Variants in FYB1 observed in about 807,000 individuals in gnomAD.
The protein encoded by FYB1 is FYN binding protein 1.
In FYB1, 41 loss-of-function variants were observed where a neutral mutation model predicts 94.1. The ratio of observed to expected loss-of-function variants is 0.44; its 90% CI spans 0.34 to 0.57. The LOEUF is 0.57. FYB1 is among the 20% of genes least tolerant of loss of function. The pLI, the probability that FYB1 is intolerant of heterozygous loss-of-function variation, is 0.02. For synonymous variants in FYB1, 367 were observed against 353.2 expected, an observed-to-expected ratio of 1.04 and a Z score of -0.44; for missense variants, 1,050 against 976.8, an observed-to-expected ratio of 1.07 and a Z score of -1.00.
intron 1 of FYB1, among the ~76,000 whole-genome samples, chr5:39,246,820 C>A (rs1170866681): frequency 6.6e-6 from 1 of 151,882 alleles, no homozygotes; most frequent in African/African-American, 2.4e-5. Context: ...TGGTGAGGAG[C>A]AGAATGGAAA....
chr5:39,225,425 A>G (rs1750429751), intron 1 of FYB1, among the ~76,000 whole-genome samples: 1 of 152,218 alleles, frequency 6.6e-6, no homozygotes, highest in South Asian at 2.1e-4. Context: ...GATACTGCCA[A>G]CTAACCTCTA....
intron 11 of FYB1, 24 bp from the exon 12 acceptor site, chr5:39,126,159 C>A (rs1180558499): frequency 1.2e-5 from 19 of 1,610,082 alleles, no homozygotes; most frequent in Non-Finnish European, 1.4e-5. Context: ...AGGCATTGAT[C>A]AGAATGTAAT....
intron 2 of FYB1, among the ~76,000 whole-genome samples, chr5:39,168,324 A>T (rs1490615405): frequency 2.0e-5 from 3 of 152,212 alleles, no homozygotes; most frequent in Non-Finnish European, 4.4e-5. Flanking sequence ...TCTGTAGTTC[A>T]TCATGACAAT....
At chr5:39,257,218 A>G (rs183681885) in intron 1 of FYB1, among the ~76,000 whole-genome samples, 1 of 152,350 alleles carries the variant, frequency 6.6e-6, no homozygotes, top group African/African-American at 2.4e-5. Context: ...TAAAAGGCAT[A>G]TAGTAAAACT....
At chr5:39,133,554 GAGA>G (rs1052587358) in intron 9 of FYB1, among the ~76,000 whole-genome samples, 2 of 152,218 alleles carry the variant, frequency 1.3e-5, no homozygotes, top group Admixed American at 6.5e-5. Context: ...AAGGAAAGAA[GAGA>G]AGGAGAGGTA....
At chr5:39,163,577 G>A (rs1191427081) in intron 2 of FYB1, among the ~76,000 whole-genome samples, 1 of 152,080 alleles carries the variant, frequency 6.6e-6, no homozygotes, top group Non-Finnish European at 1.5e-5. Context: ...CAATAACTTT[G>A]TTGGTTATTC....
At chr5:39,132,263 CTCT>C (rs1335211559) in intron 9 of FYB1, among the ~76,000 whole-genome samples, 1 of 152,186 alleles carries the variant, frequency 6.6e-6, no homozygotes, top group African/African-American at 2.4e-5. Context: ...ATGATGCCTT[CTCT>C]TCTTATTCTT....
chr5:39,163,133 T>A (rs1379295400), intron 2 of FYB1, among the ~76,000 whole-genome samples: 1 of 152,212 alleles, frequency 6.6e-6, no homozygotes, highest in Non-Finnish European at 1.5e-5. Context: ...GGTCACAGAC[T>A]TAGAAAATCT....
rs149266839 is a variant in FYB1, at chr5:39,175,442, A to G, written c.1136-21838T>C. Reference sequence around the variant, plus strand: ...ATGGGCTGGAGTATGCCGGTGTCCAATGGTTGTAACTAGCTGGGGGCTTCT... The same window carrying G: ...ATGGGCTGGAGTATGCCGGTGTCCAGTGGTTGTAACTAGCTGGGGGCTTCT... On this transcript the variant is annotated intron_variant, in intron 2 of 18. Transcript: ENST00000512982. 1.6e-3 allele frequency among the ~76,000 whole-genome samples: 251 copies of G among 152,302 alleles called. 1 individual carries two copies. Among genetic ancestry groups the G allele is most frequent in the African/African-American group, 5.3e-3 (219 of 41,566 alleles).
intron 1 of FYB1, among the ~76,000 whole-genome samples, chr5:39,254,244 G>C (rs1398488740): frequency 1.3e-5 from 2 of 152,142 alleles, no homozygotes; most frequent in Non-Finnish European, 2.9e-5. Flanking sequence ...TGGTATTTCT[G>C]TCTTTAGGTC....
chr5:39,270,499 A>T lies in FYB1; in HGVS notation c.-28+3904T>A, dbSNP rs73078476. ...TGACTGTGAAGCACCCTCAACTCTG[A>T]CTGTTCTATGCAGAGAAGAGTAGCA... is the stretch of plus-strand genomic sequence containing the variant. On this transcript the variant is annotated intron_variant, in intron 1 of 1. Coordinates refer to the FYB1 transcript ENST00000510188. 1,146 of 1,428,226 alleles carry T rather than the reference A, an allele frequency of 8.0e-4. 7 individuals carry two copies. In the African/African-American group the frequency reaches 0.015, roughly 18 times the overall value. 88.5% of individuals were successfully genotyped at this position (1,428,226 alleles called of 1,614,324 possible).
chr5:39,274,269 G>C (rs916951211), intron 1 of FYB1: 1 of 152,084 alleles, frequency 6.6e-6, no homozygotes, highest in Non-Finnish European at 1.5e-5. Context: ...TATAAACTCC[G>C]ATACATTTTC....
chr5:39,247,175 T>G (rs2150601810), intron 1 of FYB1, among the ~76,000 whole-genome samples: 1 of 144,330 alleles, frequency 6.9e-6, no homozygotes, highest in South Asian at 2.2e-4. Flanking sequence ...CTGAGCAAAA[T>G]AAGCCTTAAA....
intron 1 of FYB1, among the ~76,000 whole-genome samples, chr5:39,246,263 T>A (rs1317498528): frequency 6.6e-6 from 1 of 152,162 alleles, no homozygotes; most frequent in African/African-American, 2.4e-5. Flanking sequence ...TATGACTTCA[T>A]CCATCTGTCC....
chr5:39,263,376 T>C (rs966292631), intron 1 of FYB1, among the ~76,000 whole-genome samples: 1 of 142,880 alleles, frequency 7.0e-6, no homozygotes, highest in African/African-American at 2.7e-5. Flanking sequence ...TAGTACAGGA[T>C]TTTTTTTTTT....
chr5:39,271,851 T>G (rs534683899), intron 1 of FYB1, among the ~76,000 whole-genome samples: 6 of 152,160 alleles, frequency 3.9e-5, no homozygotes, highest in Admixed American at 2.6e-4. Flanking sequence ...ACATAATACA[T>G]GCTTAATGAA....
intron 1 of FYB1, among the ~76,000 whole-genome samples, chr5:39,241,538 A>G (rs999968689): frequency 6.6e-6 from 1 of 152,142 alleles, no homozygotes; most frequent in Non-Finnish European, 1.5e-5. Context: ...ACCTAGAGTG[A>G]TAAATAGGTG....
At chr5:39,119,457 T>C (rs1167820380) in intron 15 of FYB1, 78 bp downstream of exon 15, 11 of 1,042,176 alleles carry the variant, frequency 1.1e-5, no homozygotes, top group Middle Eastern at 3.4e-4. Flanking sequence ...TTTTCAATAG[T>C]GTTTTTTTTG....
chr5:39,122,226 A>G, intron 14 of FYB1, 110 bp downstream of exon 14: 1 of 702,026 alleles, frequency 1.4e-6, no homozygotes, highest in Non-Finnish European at 2.5e-6. Flanking sequence ...GTCCAGAGCC[A>G]ACAGGATCGC....
Sources: allele counts gnomAD v4.1 joint callset (sites outside exome capture counted in the v4.1 genomes callset), GRCh38; gene constraint gnomAD v4.1.1; transcripts MANE v1.5; gene names NCBI Gene and HGNC (gene_info 2026-07-23, HGNC 2026-07-21).